Variants in SLC36A1 observed in about 807,000 individuals in gnomAD.
SLC36A1 encodes solute carrier family 36 member 1, also known as proton-coupled amino acid transporter 1.
Under a neutral mutation model 47.5 loss-of-function variants are expected in SLC36A1, and 30 were observed. The ratio of observed to expected loss-of-function variants is 0.63; its 90% CI spans 0.47 to 0.86. The LOEUF (loss-of-function observed/expected upper bound fraction) is 0.86, where lower values mean the gene tolerates loss of function less well. Among genes scored for constraint, SLC36A1 ranks in the 40% least tolerant of loss-of-function variants. The probability of loss-of-function intolerance (pLI) is 0.00; values close to 1 mark genes in which losing one functional copy is unlikely to be tolerated. For missense variants in SLC36A1, 517 were observed against 606.0 expected (o/e 0.85, Z 1.54); for synonymous variants, 255 against 249.7 (o/e 1.02, Z -0.20).
At chr5:151,534,714 C>T in the SLC36A1 span, 1 of 1,315,018 alleles carries the variant, frequency 7.6e-7, no homozygotes, top group South Asian at 1.3e-5. Context: ...CTCTATATAT[C>T]TACAGGAGAC....
the SLC36A1 span, among the ~76,000 whole-genome samples, chr5:151,527,610 T>C: frequency 6.6e-6 from 1 of 152,140 alleles, no homozygotes; most frequent in African/African-American, 2.4e-5. Context: ...TGAATGAATT[T>C]ATGTGAGGAT....
chr5:151,534,497 G>C, the SLC36A1 span: 4 of 1,613,976 alleles, frequency 2.5e-6, 1 homozygote, highest in South Asian at 2.2e-5. Flanking sequence ...GGCTGGGGAA[G>C]AACCGCGGGG....
At chr5:151,432,765 T>C (rs886652113), upstream of SLC36A1, among the ~76,000 whole-genome samples, 3 of 152,120 alleles carry the variant, frequency 2.0e-5, no homozygotes, top group Admixed American at 1.3e-4. Context: ...GGCTTGAAGA[T>C]GGAGGTGGCC....
At chr5:151,529,325 G>T in the SLC36A1 span, 1 of 1,614,140 alleles carries the variant, frequency 6.2e-7, no homozygotes, top group Non-Finnish European at 8.5e-7. Context: ...TCTTCCGGCT[G>T]CACTCAATGG....
At chr5:151,456,162 A>G (rs1754468574) in intron 1 of SLC36A1, among the ~76,000 whole-genome samples, 1 of 152,198 alleles carries the variant, frequency 6.6e-6, no homozygotes, top group African/African-American at 2.4e-5. Context: ...GGAAGGGACT[A>G]GAAATTGGCA....
upstream of SLC36A1, among the ~76,000 whole-genome samples, chr5:151,443,740 C>T (rs1471843384): frequency 1.3e-5 from 2 of 152,126 alleles, no homozygotes; most frequent in African/African-American, 2.4e-5. Context: ...AAATCATTGC[C>T]AAGGCCAGTG....
At chr5:151,460,989 C>G (rs1009912713) in intron 2 of SLC36A1, among the ~76,000 whole-genome samples, 1 of 151,150 alleles carries the variant, frequency 6.6e-6, no homozygotes, top group South Asian at 2.1e-4. Flanking sequence ...TCATGGGTTA[C>G]TTCCTTTTAT....
rs1759829123 is a variant in SLC36A1 at position 151,488,262 on chromosome 5, G to A, written c.*8G>A. ...ACCTGTGCCTTCATATAGGGATCTGGGTTCGTCTCTGCAGCTGCCTACCCC... is the reference window on the plus strand; with the variant it reads ...ACCTGTGCCTTCATATAGGGATCTGAGTTCGTCTCTGCAGCTGCCTACCCC... On this transcript the variant is annotated 3_prime_UTR_variant, in exon 11 of 11. Coordinates refer to ENST00000243389, the MANE Select transcript of SLC36A1 (RefSeq NM_078483.4). 3 of 1,612,896 alleles carry A rather than the reference G, an allele frequency of 1.9e-6. No homozygotes were observed. Among genetic ancestry groups the A allele is most frequent in the Non-Finnish European group, 1.7e-6 (2 of 1,179,280 alleles).
chr5:151,517,839 T>C, the SLC36A1 span: 2 of 1,555,848 alleles, frequency 1.3e-6, no homozygotes, highest in Non-Finnish European at 1.8e-6. Flanking sequence ...CTTTGTCTTA[T>C]TTAATCCTTG....
At chr5:151,366,059 G>A in the SLC36A1 span, among the ~76,000 whole-genome samples, 1 of 152,150 alleles carries the variant, frequency 6.6e-6, no homozygotes. Context: ...AACATTTGTA[G>A]AGCACCTTAG....
chr5:151,479,511 C>A (rs1408157645), intron 10 of SLC36A1, 22 bp downstream of exon 10: 2 of 1,602,138 alleles, frequency 1.2e-6, no homozygotes, highest in South Asian at 2.2e-5. Context: ...ATGATAATTG[C>A]CTTGCTTGTT....
the SLC36A1 span, chr5:151,507,667 C>T: frequency 5.5e-6 from 8 of 1,465,618 alleles, no homozygotes; most frequent in African/African-American, 1.1e-4. Flanking sequence ...TTCCATGTCC[C>T]CTCTTACAGA....
intron 7 of SLC36A1, among the ~76,000 whole-genome samples, chr5:151,468,266 A>AAAAAAATATATATATATAT (rs55642458): frequency 1.6e-5 from 1 of 63,828 alleles, no homozygotes; most frequent in African/African-American, 8.8e-5. Flanking sequence ...AAAAAAAAAA[A>AAAAAAATATATATATATAT]ATATATATAT....
At chr5:151,400,511 G>C in the SLC36A1 span, among the ~76,000 whole-genome samples, 2 of 152,002 alleles carry the variant, frequency 1.3e-5, no homozygotes, top group African/African-American at 4.8e-5. Context: ...ATTTTCCTCT[G>C]GTATATACCC....
the SLC36A1 span, among the ~76,000 whole-genome samples, chr5:151,416,147 T>G: frequency 6.6e-6 from 1 of 151,848 alleles, no homozygotes; most frequent in Non-Finnish European, 1.5e-5. Flanking sequence ...GTACACAGAG[T>G]CTATCTGACT....
At chr5:151,468,656 C>G (rs1037454545) in intron 7 of SLC36A1, among the ~76,000 whole-genome samples, 1 of 151,482 alleles carries the variant, frequency 6.6e-6, no homozygotes, top group African/African-American at 2.4e-5. Flanking sequence ...GTTATGACAA[C>G]CAAAAATGTC....
At chr5:151,551,976 G>GGGGTGTGT in the SLC36A1 span, among the ~76,000 whole-genome samples, 198 of 143,648 alleles carry the variant, frequency 1.4e-3, 4 homozygotes, top group East Asian at 0.015. Context: ...TAACCCTAAG[G>GGGGTGTGT]GTGTGTGTGT....
At chr5:151,392,321 A>G in the SLC36A1 span, among the ~76,000 whole-genome samples, 1 of 152,026 alleles carries the variant, frequency 6.6e-6, no homozygotes, top group African/African-American at 2.4e-5. Flanking sequence ...CTAGCAGTCT[A>G]TCAATTTTGC....
chr5:151,552,785 T>C, the SLC36A1 span, among the ~76,000 whole-genome samples: 3 of 152,140 alleles, frequency 2.0e-5, no homozygotes, highest in East Asian at 1.9e-4. Flanking sequence ...AGCCAAAACA[T>C]TGAGCATGGC....
Sources: gnomAD v4.1 joint callset for allele counts (sites outside exome capture counted in the v4.1 genomes callset) on GRCh38, gnomAD v4.1.1 for gene constraint, MANE v1.5 for transcripts, NCBI Gene and HGNC (gene_info 2026-07-23, HGNC 2026-07-21) for gene names.